Variants in KRT28 observed in about 807,000 individuals in gnomAD.
KRT28 encodes the protein keratin, type I cytoskeletal 28.
A neutral mutation model predicts 48.1 loss-of-function variants in KRT28; 45 were observed. The ratio of observed to expected loss-of-function variants is 0.94; its 90% confidence interval spans 0.74 to 1.20. The LOEUF (loss-of-function observed/expected upper bound fraction) is 1.20, where lower values mean the gene tolerates loss of function less well. KRT28 is among the 50% of genes most tolerant of loss of function. KRT28 has a pLI of 0.00. For synonymous variants in KRT28, 228 were observed against 227.4 expected (o/e 1.00, Z -0.03); for missense variants, 571 against 574.1 (o/e 0.99, Z 0.06).
intron 5 of KRT28, among the ~76,000 whole-genome samples, chr17:40,795,879 A>G (rs1487677185): frequency 6.6e-6 from 1 of 152,120 alleles, no homozygotes; most frequent in Non-Finnish European, 1.5e-5. Flanking sequence ...AAGAAGGGAA[A>G]TGGAGAAGAA....
intron 5 of KRT28, 50 bp from the exon 6 acceptor site, chr17:40,794,096 T>C (rs769279469): frequency 2.5e-6 from 4 of 1,592,858 alleles, no homozygotes; most frequent in Admixed American, 3.4e-5. Flanking sequence ...CTCTGAGGAC[T>C]AGTAGAACAT....
Position 40,797,054 on chromosome 17 carries a change from GA to G in KRT28, c.853-14del. On this transcript the variant is annotated splice_polypyrimidine_tract_variant and intron_variant, in intron 4 of 7. Transcript: ENST00000306658. ...GCAGCGAGGCGCTCTGTAGGGCCGG[GA>G]AAAAGGGTCACACGGAGTCCCCACC... 4.3e-6 allele frequency: 7 copies of G among 1,609,960 alleles called. No individual in the cohort carries two copies. The highest frequency in any genetic ancestry group is 1.7e-5 in the Admixed American group (1 of 59,492).
chr17:40,792,635 T>A (rs1457809503), intron 7 of KRT28, 66 bp from the exon 8 acceptor site: 2 of 1,129,900 alleles, frequency 1.8e-6, no homozygotes, highest in East Asian at 4.8e-5. Flanking sequence ...CCACTGCTAG[T>A]TCAATATAAT....
rs201498231 is a variant in KRT28, at chr17:40,797,126, A to G, written c.846T>C (p.Asn282=). 19 of 1,613,814 alleles carry G rather than the reference A, an allele frequency of 1.2e-5. No individual in the cohort carries two copies. Among genetic ancestry groups the G allele is most frequent in the Non-Finnish European group, 1.4e-5 (17 of 1,179,814 alleles). The change falls in exon 4 of 8, where the codon AAT becomes AAC. Residue 282 remains asparagine (N), a synonymous_variant. Coordinates refer to ENST00000306658, the MANE Select transcript of KRT28 (RefSeq NM_181535.3). ...QNRKDAEAWF[N]EKSASLQQQI... is the part of the protein sequence containing the mutation. ...GAGACGGGGCCCACCTCACCTTCTC[A>G]TTGAACCAGGCCTCCGCGTCCTTGC...
intron 2 of KRT28, 57 bp downstream of exon 2, chr17:40,798,860 A>G (rs1449021976): frequency 8.8e-7 from 1 of 1,130,788 alleles, no homozygotes; most frequent in Non-Finnish European, 1.3e-6. Context: ...AATTTTATTT[A>G]ACAAATTAAA....
In KRT28 at chr17:40,799,553, A is replaced by G. The variant is rs755232334; in HGVS notation, c.341T>C (p.Leu114Ser). Residue 114 changes from leucine to serine, a missense_variant, in exon 1 of 8, where the codon TTA (leucine) becomes TCA (serine). Transcript: ENST00000306658. ...ATACCAACCCTTGATTTTTCTCTCT[A>G]ATTCAGCATTTGCCTCCTCCAGAGC... ...VRALEEANAE[L>S]ERKIKGWYEK... 1.1e-5 allele frequency: 18 copies of G among 1,613,968 alleles called. No homozygotes were observed. Among genetic ancestry groups the G allele is most frequent in the Admixed American group, 5.0e-5 (3 of 60,002 alleles).
chr17:40,792,717 T>A, intron 7 of KRT28, 148 bp from the exon 8 acceptor site: 1 of 626,104 alleles, frequency 1.6e-6, no homozygotes, highest in Non-Finnish European at 2.7e-6. Flanking sequence ...TTTTAGCCAC[T>A]TGATACTTCC....
chr17:40,797,140 C>T lies in KRT28; in HGVS notation c.832G>A (p.Glu278Lys). The T allele has an allele frequency of 1.2e-6, 2 of 1,614,094 alleles. No individual in the cohort carries two copies. The highest frequency in any genetic ancestry group is 1.7e-6 in the Non-Finnish European group (2 of 1,179,972). Residue 278 changes from glutamate (E) to lysine (K), a missense_variant, in exon 4 of 8, where the codon GAG becomes AAG. By Grantham distance (56) the Glu-to-Lys change is moderately conservative. Coordinates refer to ENST00000306658, the MANE Select transcript of KRT28 (RefSeq NM_181535.3). ...ALAEQNRKDA[E>K]AWFNEKSASL... is the part of the protein sequence containing the mutation. ...CTCACCTTCTCATTGAACCAGGCCTCCGCGTCCTTGCGGTTCTGCTCTGCA... is the reference window on the plus strand; with the variant it reads ...CTCACCTTCTCATTGAACCAGGCCTTCGCGTCCTTGCGGTTCTGCTCTGCA...
rs187909431 is a variant in KRT28, at chr17:40,798,509, T to C, written c.534-118A>G. 3.1e-4 allele frequency: 340 copies of C among 1,108,900 alleles called. 2 individuals carry two copies. The African/African-American group carries it at 4.9e-3, about 16-fold the overall frequency. 68.7% of individuals were successfully genotyped at this position (1,108,900 alleles called of 1,614,324 possible). On this transcript the variant is annotated intron_variant, in intron 2 of 7. Transcript: ENST00000306658. ...AATTGAATTAGGACTGTAAATAGTATAAAAATATATGAAGAAAGCGCTCCT... is the reference window on the plus strand; with the variant it reads ...AATTGAATTAGGACTGTAAATAGTACAAAAATATATGAAGAAAGCGCTCCT...
chr17:40,794,905 A>T (rs1052215328), intron 5 of KRT28, among the ~76,000 whole-genome samples: 1 of 152,226 alleles, frequency 6.6e-6, no homozygotes. Context: ...TTAAGAGAAG[A>T]TGCAAGGCTC....
Position 40,799,862 on chromosome 17 carries a change from T to C in KRT28, c.32A>G (p.His11Arg), listed in dbSNP as rs1287373779. The change falls in exon 1 of 8, where the codon CAT (histidine) becomes CGT (arginine). Residue 11 changes from histidine (H) to arginine (R), a missense_variant. Physicochemically the swap from His to Arg is conservative, Grantham distance 29. Transcript: ENST00000306658. MSLQFSNGSR[H>R]VCLRSGAGSV... is the part of the protein sequence containing the mutation. ...TCCAGCTCCAGACCTTAAGCAAACATGCCTGGATCCATTAGAAAATTGGAG... is the reference window on the plus strand; with the variant it reads ...TCCAGCTCCAGACCTTAAGCAAACACGCCTGGATCCATTAGAAAATTGGAG... 2.5e-6 allele frequency: 4 copies of C among 1,612,750 alleles called. No homozygotes were observed. Among genetic ancestry groups the C allele is most frequent in the Non-Finnish European group, 2.5e-6 (3 of 1,179,590 alleles).
At position 40,797,292 on chromosome 17, in the gene KRT28, G is replaced by C. The variant is rs1487452501; in HGVS notation, c.691-11C>G. On this transcript the variant is annotated splice_polypyrimidine_tract_variant and intron_variant, in intron 3 of 7. Transcript: ENST00000306658. ...CAGAGCCTTCATCTCCTGGAGAGAAGCAAGAGTGTGGCTTTAGGGGCATTG... is the reference window on the plus strand; with the variant it reads ...CAGAGCCTTCATCTCCTGGAGAGAACCAAGAGTGTGGCTTTAGGGGCATTG... 6.2e-7 allele frequency: 1 copy of C among 1,610,100 alleles called. No individual in the cohort carries two copies. Among genetic ancestry groups the C allele is most frequent in the Non-Finnish European group, 8.5e-7 (1 of 1,177,842 alleles).
intron 1 of KRT28, 70 bp from the exon 2 acceptor site, chr17:40,799,069 G>A (rs1904687805): frequency 1.0e-6 from 1 of 980,292 alleles, no homozygotes; most frequent in Non-Finnish European, 1.5e-6. Context: ...TTCAGGAAAT[G>A]AAAAAGGTTA....
At chr17:40,793,518 T>G (rs1904540419) in intron 6 of KRT28, among the ~76,000 whole-genome samples, 3 of 152,076 alleles carry the variant, frequency 2.0e-5, no homozygotes, top group Admixed American at 2.0e-4. Flanking sequence ...AGCAGTGAAA[T>G]TAGGTATGCA....
At chr17:40,798,780 A>G in intron 2 of KRT28, 137 bp downstream of exon 2, 1 of 623,984 alleles carries the variant, frequency 1.6e-6, no homozygotes, top group Non-Finnish European at 2.8e-6. Flanking sequence ...TGATTGTAAC[A>G]TTATAATACA....
chr17:40,792,565 T>C lies in KRT28; in HGVS notation c.1257A>G (p.Leu419=). 1 of 1,604,414 alleles carries C rather than the reference T, an allele frequency of 6.2e-7. No homozygotes were observed. The highest frequency in any genetic ancestry group is 8.5e-7 in the Non-Finnish European group (1 of 1,176,810). ...CTGTCTTTACCAGTGTGGTTTTGGA[T>C]AAATCTAGAAATAAAACATAGGCAT... ...SGSPGNSSKD[L]SKTTLVKTVV... The change falls in exon 8 of 8, where the codon TTA becomes TTG. Residue 419 remains leucine, a synonymous_variant. Transcript: ENST00000306658.
chr17:40,793,822 T>C lies in KRT28; in HGVS notation c.1196+7A>G, dbSNP rs969388093. The C allele has an allele frequency of 5.6e-6, 9 of 1,613,754 alleles. No individual in the cohort carries two copies. Among genetic ancestry groups the C allele is most frequent in the Admixed American group, 5.0e-5 (3 of 59,994 alleles). ...TAAAAACTGGATTTTCAAATGGCTTTACTTACTTTCCATCTCCATCTATCA... is the reference window on the plus strand; with the variant it reads ...TAAAAACTGGATTTTCAAATGGCTTCACTTACTTTCCATCTCCATCTATCA... On this transcript the variant is annotated splice_region_variant and intron_variant, in intron 6 of 7. Coordinates refer to ENST00000306658, the MANE Select transcript of KRT28 (RefSeq NM_181535.3).
Position 40,797,214 on chromosome 17 carries a change from A to G in KRT28, c.758T>C (p.Val253Ala), listed in dbSNP as rs982019383. Reference sequence around the variant, plus strand: ...GTTGTTCAACAAAACCGCGAGGTCTACCCCCGGGGCCGCGTTCATCTCCAC... The same window carrying G: ...GTTGTTCAACAAAACCGCGAGGTCTGCCCCCGGGGCCGCGTTCATCTCCAC... ...VNVEMNAAPGVDLAVLLNNMR... is the reference protein window; with the variant it reads ...VNVEMNAAPGADLAVLLNNMR... Residue 253 changes from valine (V) to alanine (A), a missense_variant, in exon 4 of 8, where the codon GTA becomes GCA. Val to Ala is a moderately conservative substitution (Grantham distance 64). Transcript: ENST00000306658. The G allele has an allele frequency of 6.2e-7, 1 of 1,613,834 alleles. No individual in the cohort carries two copies. The highest frequency in any genetic ancestry group is 1.3e-5 in the African/African-American group (1 of 74,890).
At position 40,799,529 on chromosome 17, in the gene KRT28, T is replaced by C; in HGVS notation, c.365A>G (p.Tyr122Cys). The stretch of plus-strand genomic sequence containing the variant: ...GCAAGATCCAGGTCCGTATTTTTCA[T>C]ACCAACCCTTGATTTTTCTCTCTAA... ...AELERKIKGW[Y>C]EKYGPGSCRG... is the part of the protein sequence containing the mutation. The change falls in exon 1 of 8, where the codon TAT (tyrosine) becomes TGT (cysteine). Residue 122 changes from tyrosine (Y) to cysteine (C), a missense_variant. Tyr to Cys is a radical substitution (Grantham distance 194). Transcript: ENST00000306658. 6.2e-7 allele frequency: 1 copy of C among 1,614,226 alleles called. No homozygotes were observed.
Sources: gnomAD v4.1 joint callset for allele counts (sites outside exome capture counted in the v4.1 genomes callset) on GRCh38, gnomAD v4.1.1 for gene constraint, MANE v1.5 for transcripts, NCBI Gene and HGNC (gene_info 2026-07-23, HGNC 2026-07-21) for gene names.